MAPDA: variants seen among roughly 807,000 people sequenced by gnomAD.
The protein encoded by MAPDA is N6,N6-dimethyl-AMP deaminase.
chr15:43,342,054 G>A, the MAPDA span, among the ~76,000 whole-genome samples: 3 of 152,042 alleles, frequency 2.0e-5, no homozygotes, highest in Admixed American at 2.0e-4. Flanking sequence ...GGCCAGGGTG[G>A]TCTCGAACTC....
the MAPDA span, among the ~76,000 whole-genome samples, chr15:43,338,615 A>C: frequency 6.6e-6 from 1 of 152,220 alleles, no homozygotes; most frequent in African/African-American, 2.4e-5. Context: ...AACTTAACTA[A>C]TTGTGATGTA....
the MAPDA span, chr15:43,352,322 C>A: frequency 5.9e-6 from 1 of 168,228 alleles, no homozygotes; most frequent in Non-Finnish European, 1.3e-5. Context: ...ACTGCCGAGA[C>A]CTTTAAGCCT....
the MAPDA span, chr15:43,349,002 C>A: frequency 1.2e-6 from 2 of 1,614,140 alleles, no homozygotes; most frequent in Non-Finnish European, 1.7e-6. Flanking sequence ...AGGGAGGATC[C>A]CTGGATCTGG....
At chr15:43,337,062 T>C in the MAPDA span, among the ~76,000 whole-genome samples, 973 of 150,330 alleles carry the variant, frequency 6.5e-3, 9 homozygotes, top group African/African-American at 0.023. Flanking sequence ...AGGTCAGGAG[T>C]TGGAGACCAT....
At chr15:43,348,283 T>C in the MAPDA span, among the ~76,000 whole-genome samples, 7 of 152,322 alleles carry the variant, frequency 4.6e-5, no homozygotes, top group Admixed American at 3.3e-4. Context: ...TGGAGTCAGA[T>C]TGAGTTAGGT....
chr15:43,338,262 A>G, the MAPDA span, among the ~76,000 whole-genome samples: 3 of 152,256 alleles, frequency 2.0e-5, no homozygotes, highest in African/African-American at 7.2e-5. Flanking sequence ...TGAAACGTCT[A>G]TGAGGATAAA....
At chr15:43,340,683 C>G in the MAPDA span, among the ~76,000 whole-genome samples, 6 of 152,118 alleles carry the variant, frequency 3.9e-5, no homozygotes, top group African/African-American at 1.4e-4. Flanking sequence ...CCGTGCCCAT[C>G]CTGATGTACA....
chr15:43,338,711 C>T, the MAPDA span, among the ~76,000 whole-genome samples: 1 of 152,304 alleles, frequency 6.6e-6, no homozygotes, highest in South Asian at 2.1e-4. Flanking sequence ...CAGTACCTAC[C>T]GCACTACCTG....
chr15:43,336,639 T>A, the MAPDA span: 2 of 1,576,042 alleles, frequency 1.3e-6, no homozygotes, highest in Non-Finnish European at 1.7e-6. Flanking sequence ...TTTCCAGATG[T>A]TTCAAACTAT....
the MAPDA span, chr15:43,351,944 A>G: frequency 6.5e-7 from 1 of 1,549,922 alleles, no homozygotes; most frequent in Non-Finnish European, 8.7e-7. Context: ...TTACATATTT[A>G]AGCTATAATG....
chr15:43,345,942 G>T, the MAPDA span: 1 of 1,614,142 alleles, frequency 6.2e-7, no homozygotes, highest in South Asian at 1.1e-5. Context: ...TTCTACTGAG[G>T]GTACAGTTCT....
the MAPDA span, chr15:43,343,212 C>G: frequency 8.7e-6 from 5 of 575,834 alleles, no homozygotes; most frequent in East Asian, 7.0e-5. Context: ...AATCAAGGAC[C>G]CTGTTGTTTA....
chr15:43,352,797 G>T, the MAPDA span: 2 of 152,220 alleles, frequency 1.3e-5, no homozygotes, highest in African/African-American at 4.8e-5. Context: ...AGGGATGACC[G>T]TAGTGACAGA....
At chr15:43,351,194 C>T in the MAPDA span, 34 of 672,838 alleles carry the variant, frequency 5.1e-5, no homozygotes, top group South Asian at 7.6e-5. Flanking sequence ...AGTATGGTGG[C>T]GCACACCTGT....
the MAPDA span, among the ~76,000 whole-genome samples, chr15:43,347,271 C>T: frequency 6.6e-6 from 1 of 152,190 alleles, no homozygotes; most frequent in African/African-American, 2.4e-5. Context: ...TCTACTGTTA[C>T]TGTTTTTATC....
chr15:43,350,789 A>G, the MAPDA span, among the ~76,000 whole-genome samples: 11 of 152,166 alleles, frequency 7.2e-5, no homozygotes, highest in Non-Finnish European at 1.3e-4. Context: ...TGAACTACAA[A>G]TTTTCACACG....
the MAPDA span, among the ~76,000 whole-genome samples, chr15:43,344,930 T>A: frequency 6.6e-6 from 1 of 152,184 alleles, no homozygotes; most frequent in African/African-American, 2.4e-5. Flanking sequence ...AAGAGAATAT[T>A]TCTAATTTTG....
At chr15:43,336,242 C>A in the MAPDA span, among the ~76,000 whole-genome samples, 3 of 151,864 alleles carry the variant, frequency 2.0e-5, no homozygotes, top group African/African-American at 7.3e-5. Context: ...TGGGGGTCTC[C>A]CTATGTTGCC....
the MAPDA span, chr15:43,343,176 C>G: frequency 2.6e-6 from 2 of 776,224 alleles, no homozygotes; most frequent in East Asian, 3.0e-5. Context: ...ATTAATCATT[C>G]ATTGATTTAT....
Sources: gnomAD v4.1 joint callset for allele counts (sites outside exome capture counted in the v4.1 genomes callset) on GRCh38, gnomAD v4.1.1 for gene constraint, MANE v1.5 for transcripts, NCBI Gene and HGNC (gene_info 2026-07-23, HGNC 2026-07-21) for gene names.